DNAAF9: variants seen among roughly 807,000 people sequenced by gnomAD.
DNAAF9 encodes shulin.
Under a neutral mutation model 167.0 loss-of-function variants are expected in DNAAF9, and 90 were observed. The ratio of observed to expected loss-of-function variants is 0.54; its 90% CI spans 0.45 to 0.64. DNAAF9 has a LOEUF of 0.64. Ranked by LOEUF, DNAAF9 falls within the 30% of genes least tolerant of loss-of-function variation. DNAAF9 has a pLI of 0.00. For synonymous variants in DNAAF9, 491 were observed against 508.8 expected (o/e 0.96, Z 0.47); for missense variants, 1,315 against 1,442.2 (o/e 0.91, Z 1.43).
chr20:3,388,668 G>A (rs1256033314), intron 1 of DNAAF9, among the ~76,000 whole-genome samples: 2 of 152,178 alleles, frequency 1.3e-5, no homozygotes, highest in Non-Finnish European at 2.9e-5. Context: ...GAACATTATG[G>A]TAAGTGAAAT....
chr20:3,359,732 T>C (rs1237939174), intron 6 of DNAAF9, 139 bp from the exon 7 acceptor site: 3 of 615,520 alleles, frequency 4.9e-6, no homozygotes, highest in Non-Finnish European at 8.5e-6. Context: ...TTATCAATTA[T>C]ATTTGCCCTA....
chr20:3,269,262 T>C (rs1342619999), intron 30 of DNAAF9, among the ~76,000 whole-genome samples: 1 of 150,224 alleles, frequency 6.7e-6, no homozygotes, highest in African/African-American at 2.5e-5. Context: ...CAGGCTGGAG[T>C]GCAATGGTGT....
chr20:3,285,825 CAA>C, intron 27 of DNAAF9, among the ~76,000 whole-genome samples: 1 of 151,020 alleles, frequency 6.6e-6, no homozygotes, highest in African/African-American at 2.4e-5. Context: ...CTAAAAAATA[CAA>C]AAATTACTCG....
intron 36 of DNAAF9, among the ~76,000 whole-genome samples, chr20:3,252,994 G>A (rs533287256): frequency 2.0e-5 from 3 of 152,328 alleles, no homozygotes; most frequent in South Asian, 2.1e-4. Flanking sequence ...CTCTGATGAC[G>A]ACAGACTTCA....
intron 6 of DNAAF9, among the ~76,000 whole-genome samples, chr20:3,373,672 C>T (rs2083539161): frequency 6.6e-6 from 1 of 152,148 alleles, no homozygotes; most frequent in Non-Finnish European, 1.5e-5. Flanking sequence ...TAAGGAGCTT[C>T]CAGTACAAAG....
intron 1 of DNAAF9, among the ~76,000 whole-genome samples, chr20:3,382,956 T>G (rs1654828905): frequency 6.6e-6 from 1 of 152,220 alleles, no homozygotes; most frequent in South Asian, 2.1e-4. Flanking sequence ...CAAACTGGCC[T>G]GAGAACCTAA....
rs1216877188 is a variant in DNAAF9 at position 3,251,548 on chromosome 20, AG to A, written c.*1023del. On this transcript the variant is annotated 3_prime_UTR_variant, in exon 37 of 37. Transcript: ENST00000252032. ...ATGCCATTAGAAGGAATTCTAACTC[AG>A]GTATTGCAATTATTTGAAATTCCCA... The A allele has an allele frequency of 6.6e-6, 1 of 152,244 alleles. No individual in the cohort carries two copies. Among genetic ancestry groups the A allele is most frequent in the East Asian group, 1.9e-4 (1 of 5,204 alleles). 9.4% of individuals were successfully genotyped at this position (152,244 alleles called of 1,614,324 possible).
At chr20:3,304,397 C>G in intron 21 of DNAAF9, 43 bp downstream of exon 21, 1 of 875,910 alleles carries the variant, frequency 1.1e-6, no homozygotes, top group Non-Finnish European at 2.0e-6. Flanking sequence ...AAAGTGTGAG[C>G]AACTTTCCGA....
chr20:3,372,233 G>A (rs1206752051), intron 6 of DNAAF9, among the ~76,000 whole-genome samples: 1 of 152,240 alleles, frequency 6.6e-6, no homozygotes, highest in East Asian at 1.9e-4. Context: ...GTGGAGTAGA[G>A]AGGGCACTGG....
intron 7 of DNAAF9, among the ~76,000 whole-genome samples, chr20:3,359,164 A>G (rs2083327630): frequency 6.6e-6 from 1 of 152,136 alleles, no homozygotes; most frequent in Admixed American, 6.5e-5. Flanking sequence ...TTAAGCCATA[A>G]TCTCATCTTT....
intron 1 of DNAAF9, among the ~76,000 whole-genome samples, chr20:3,393,677 G>T (rs2083860325): frequency 6.6e-6 from 1 of 152,084 alleles, no homozygotes; most frequent in Admixed American, 6.6e-5. Flanking sequence ...TCCATCTTTG[G>T]CACAAACACA....
intron 6 of DNAAF9, among the ~76,000 whole-genome samples, chr20:3,365,443 G>A (rs2083420420): frequency 6.6e-6 from 1 of 151,780 alleles, no homozygotes; most frequent in Non-Finnish European, 1.5e-5. Flanking sequence ...CCAGGCTGGG[G>A]AGCAGTGGCG....
intron 12 of DNAAF9, among the ~76,000 whole-genome samples, chr20:3,326,747 C>CAAAAAAA: frequency 8.6e-6 from 1 of 116,880 alleles, no homozygotes; most frequent in Non-Finnish European, 1.8e-5. Flanking sequence ...GACCCTGTCT[C>CAAAAAAA]AAAAAAAAAA....
intron 1 of DNAAF9, among the ~76,000 whole-genome samples, chr20:3,382,854 T>C (rs1055257947): frequency 1.3e-5 from 2 of 152,184 alleles, no homozygotes; most frequent in African/African-American, 4.8e-5. Context: ...CTTTTCATGT[T>C]TTGAAGATTT....
chr20:3,303,021 G>A (rs1350454560), intron 21 of DNAAF9, among the ~76,000 whole-genome samples: 1 of 152,064 alleles, frequency 6.6e-6, no homozygotes, highest in Non-Finnish European at 1.5e-5. Context: ...AGTGGATCAC[G>A]AGGTCAGGAG....
Position 3,249,745 on chromosome 20 carries a change from C to T in DNAAF9, c.*2827G>A, listed in dbSNP as rs1568554829. 1 of 152,122 alleles carries T rather than the reference C, an allele frequency of 6.6e-6. No individual in the cohort carries two copies. The highest frequency in any genetic ancestry group is 1.5e-5 in the Non-Finnish European group (1 of 68,032). The allele number at this position is 152,122 out of a possible 1,614,324, so 9.4% of individuals were successfully genotyped here. On this transcript the variant is annotated 3_prime_UTR_variant, in exon 37 of 37. Coordinates refer to ENST00000252032, the MANE Select transcript of DNAAF9 (RefSeq NM_001009984.3). ...TACAATCTTTGAATTGAACTTTTCCCTTTTGAGAAGCCCAAGGAGCAACCC... is the reference window on the plus strand; with the variant it reads ...TACAATCTTTGAATTGAACTTTTCCTTTTTGAGAAGCCCAAGGAGCAACCC...
intron 1 of DNAAF9, among the ~76,000 whole-genome samples, chr20:3,396,946 C>T (rs1040249008): frequency 6.6e-6 from 1 of 152,060 alleles, no homozygotes; most frequent in Non-Finnish European, 1.5e-5. Context: ...CCTGAGAGAC[C>T]GATTAAGACT....
At chr20:3,386,853 T>C (rs1368954007) in intron 1 of DNAAF9, among the ~76,000 whole-genome samples, 1 of 152,094 alleles carries the variant, frequency 6.6e-6, no homozygotes, top group Admixed American at 6.6e-5. Context: ...AGAAGCCCTA[T>C]GACAACATGT....
intron 10 of DNAAF9, among the ~76,000 whole-genome samples, chr20:3,340,229 A>C (rs1262898402): frequency 6.6e-6 from 1 of 152,236 alleles, no homozygotes; most frequent in Non-Finnish European, 1.5e-5. Context: ...TTACTCTGAC[A>C]ACTTAAAGAC....
Sources: allele counts gnomAD v4.1 joint callset (sites outside exome capture counted in the v4.1 genomes callset), GRCh38; gene constraint gnomAD v4.1.1; transcripts MANE v1.5; gene names NCBI Gene and HGNC (gene_info 2026-07-23, HGNC 2026-07-21).